The following ANOS1 variants were observed in gnomAD, a reference collection of about 807,000 sequenced individuals.
ANOS1 encodes the protein anosmin 1, also known as anosmin-1.
In ANOS1, 6 loss-of-function variants were observed where a neutral mutation model predicts 59.0. That is an observed-to-expected ratio of 0.10 (90% confidence interval 0.06 to 0.20). The LOEUF (loss-of-function observed/expected upper bound fraction) is 0.20, where lower values mean the gene tolerates loss of function less well. Ranked by LOEUF, ANOS1 falls within the 10% of genes least tolerant of loss-of-function variation. The pLI, the probability that ANOS1 is intolerant of heterozygous loss-of-function variation, is 1.00. For missense variants in ANOS1, 433 were observed against 542.3 expected (o/e 0.80, Z 2.00); for synonymous variants, 217 against 223.4 (o/e 0.97, Z 0.25).
chrX:8,665,125 A>G (rs774387815), intron 2 of ANOS1, among the ~76,000 whole-genome samples: 3 of 111,729 alleles, frequency 2.7e-5, no homozygotes, highest in Non-Finnish European at 3.8e-5. Flanking sequence ...AATGACAGGC[A>G]CTCATCCAAC....
chrX:8,632,234 T>C (rs1382686126), intron 2 of ANOS1, among the ~76,000 whole-genome samples: 1 of 112,057 alleles, frequency 8.9e-6, no homozygotes, highest in Non-Finnish European at 1.9e-5. Flanking sequence ...TAAATGATTT[T>C]TTCCCATTCA....
intron 5 of ANOS1, 26 bp downstream of exon 5, chrX:8,587,768 A>T: frequency 8.6e-7 from 1 of 1,167,907 alleles, no homozygotes; most frequent in Non-Finnish European, 1.2e-6. Context: ...CCAGGATGAA[A>T]ATCAAAGTCT....
At chrX:8,612,247 A>G (rs1931071560) in intron 3 of ANOS1, among the ~76,000 whole-genome samples, 1 of 112,093 alleles carries the variant, frequency 8.9e-6, no homozygotes, top group Non-Finnish European at 1.9e-5. Context: ...CCATACACTC[A>G]TATGAAATTC....
At chrX:8,547,002 C>T (rs1929780635) in intron 9 of ANOS1, among the ~76,000 whole-genome samples, 2 of 111,780 alleles carry the variant, frequency 1.8e-5, no homozygotes, top group African/African-American at 6.5e-5. Context: ...TATGTGGTCA[C>T]TTGTGTAATA....
intron 3 of ANOS1, among the ~76,000 whole-genome samples, chrX:8,615,542 C>CAA (rs34060774): frequency 1.0e-4 from 6 of 58,065 alleles, no homozygotes; most frequent in Admixed American, 2.2e-4. Flanking sequence ...GACCCTGTCT[C>CAA]AAAAAAAAAA....
chrX:8,596,957 A>G (rs1438665373), intron 4 of ANOS1, 77 bp downstream of exon 4: 12 of 1,196,391 alleles, frequency 1.0e-5, no homozygotes, highest in Non-Finnish European at 1.2e-5. Context: ...CACACCTATG[A>G]TGGACACCCT....
At chrX:8,597,300 A>T (rs1351536764) in intron 3 of ANOS1, 44 bp from the exon 4 acceptor site, 2 of 1,059,615 alleles carry the variant, frequency 1.9e-6, no homozygotes, top group East Asian at 3.1e-5. Context: ...TTAAAGACAC[A>T]TGAAGTCTGA....
intron 3 of ANOS1, among the ~76,000 whole-genome samples, chrX:8,600,393 A>AC (rs1190398558): frequency 8.9e-6 from 1 of 112,348 alleles, no homozygotes; most frequent in Non-Finnish European, 1.9e-5. Flanking sequence ...AGCTAGAAAA[A>AC]CTATAATTTC....
intron 2 of ANOS1, among the ~76,000 whole-genome samples, chrX:8,640,659 T>C (rs1428313133): frequency 1.8e-5 from 2 of 108,836 alleles, no homozygotes; most frequent in Non-Finnish European, 3.8e-5. Flanking sequence ...AATATAATCA[T>C]AGAATTTTAA....
chrX:8,730,702 T>C lies in ANOS1; in HGVS notation c.207+1128A>G, dbSNP rs192700098. Among the ~76,000 whole-genome samples, 812 of 110,597 alleles carry C rather than the reference T, an allele frequency of 7.3e-3. 6 individuals are homozygous for C. Among genetic ancestry groups the C allele is most frequent in the African/African-American group, 0.025 (777 of 30,517 alleles). On this transcript the variant is annotated intron_variant, in intron 1 of 13. Transcript: ENST00000262648. ...CCTCCCCCCAGCCCCCATTTCTCCTTTTGGTCCCTCCAGAGTTTCCCTGAA... is the reference window on the plus strand; with the variant it reads ...CCTCCCCCCAGCCCCCATTTCTCCTCTTGGTCCCTCCAGAGTTTCCCTGAA...
Position 8,685,658 on chromosome X carries a change from A to G in ANOS1, c.255+14040T>C, listed in dbSNP as rs191933812. ...AAAGAAAGAAAGAAAGAAAGAAAGAAAAAGAAAGGAAGGAAGGAGGGAGGA... is the reference window on the plus strand; with the variant it reads ...AAAGAAAGAAAGAAAGAAAGAAAGAGAAAGAAAGGAAGGAAGGAGGGAGGA... On this transcript the variant is annotated intron_variant, in intron 2 of 13. Transcript: ENST00000262648. Among the ~76,000 whole-genome samples, 583 of 96,991 alleles carry G rather than the reference A, an allele frequency of 6.0e-3. 3 individuals carry two copies. Among genetic ancestry groups the G allele is most frequent in the Non-Finnish European group, 8.6e-3 (404 of 47,094 alleles). The allele number at this position is 96,991 out of a possible 115,157, so 84.2% of individuals were successfully genotyped here.
intron 2 of ANOS1, among the ~76,000 whole-genome samples, chrX:8,645,558 T>A: frequency 8.9e-6 from 1 of 112,114 alleles, no homozygotes; most frequent in South Asian, 3.7e-4. Flanking sequence ...CTTCTGAATG[T>A]GTTCTCTTTA....
chrX:8,563,464 T>C (rs1930063829), intron 8 of ANOS1, among the ~76,000 whole-genome samples: 1 of 112,525 alleles, frequency 8.9e-6, no homozygotes, highest in Non-Finnish European at 1.9e-5. Context: ...AAACTCTCAC[T>C]GGTAAAGATA....
At chrX:8,564,314 G>C (rs1350588989) in intron 8 of ANOS1, among the ~76,000 whole-genome samples, 1 of 111,571 alleles carries the variant, frequency 9.0e-6, no homozygotes, top group Non-Finnish European at 1.9e-5. Context: ...GTGGAAAAGT[G>C]AGATTGAAAA....
In ANOS1 at chrX:8,544,379, G is replaced by A. The variant is rs368606408; in HGVS notation, c.1355-4621C>T. The stretch of plus-strand genomic sequence containing the variant: ...TGCCTCTTTGCAGTGTTTTAGCATC[G>A]GAAATGGTGCATTGCATACAGTAGG... On this transcript the variant is annotated intron_variant, in intron 9 of 13. Coordinates refer to ENST00000262648, the MANE Select transcript of ANOS1 (RefSeq NM_000216.4). Among the ~76,000 whole-genome samples the A allele has an allele frequency of 4.1e-4, 37 of 89,674 alleles. No individual in the cohort carries two copies. The South Asian group carries it at 0.016, about 40-fold the overall frequency. 77.9% of individuals were successfully genotyped at this position (89,674 alleles called of 115,157 possible).
rs1187781153 is a variant in ANOS1, at chrX:8,732,043, GGGTCGA to G, written c.-13_-8del. On this transcript the variant is annotated 5_prime_UTR_variant, in exon 1 of 14. Coordinates refer to ENST00000262648, the MANE Select transcript of ANOS1 (RefSeq NM_000216.4). ...CGGGCACCCCGGGCACCATGGCTGC[GGGTCGA>G]GGGCGAGGGCGAGGGCGCCGGGCGC... The G allele has an allele frequency of 1.0e-5, 10 of 952,886 alleles. No individual in the cohort carries two copies. The highest frequency in any genetic ancestry group is 1.3e-5 in the Non-Finnish European group (10 of 764,405). 78.5% of individuals were successfully genotyped at this position (952,886 alleles called of 1,213,427 possible).
chrX:8,685,807 C>T (rs1386642268), intron 2 of ANOS1, among the ~76,000 whole-genome samples: 2 of 111,427 alleles, frequency 1.8e-5, no homozygotes, highest in African/African-American at 6.5e-5. Context: ...ATGAACTTAC[C>T]CACATTGGTA....
chrX:8,693,434 T>C (rs1019052722), intron 2 of ANOS1, among the ~76,000 whole-genome samples: 67 of 111,782 alleles, frequency 6.0e-4, no homozygotes, highest in African/African-American at 2.0e-3. Context: ...TAGTTTTCTC[T>C]TTCTTCATCA....
Position 8,593,792 on chromosome X carries a change from G to A in ANOS1, c.541+3242C>T, listed in dbSNP as rs751848041. 2.3e-3 allele frequency among the ~76,000 whole-genome samples: 260 copies of A among 111,061 alleles called. 1 individual carries two copies. Among genetic ancestry groups the A allele is most frequent in the Middle Eastern group, 9.1e-3 (2 of 219 alleles). On this transcript the variant is annotated intron_variant, in intron 4 of 13. Coordinates refer to ENST00000262648, the MANE Select transcript of ANOS1 (RefSeq NM_000216.4). The stretch of plus-strand genomic sequence containing the variant: ...GTGCTCAAATGATCCTCCCACCTCA[G>A]CCTCCCAAGTAGCTATGACTACAGG...
Sources: allele counts gnomAD v4.1 joint callset (sites outside exome capture counted in the v4.1 genomes callset), GRCh38; gene constraint gnomAD v4.1.1; transcripts MANE v1.5; gene names NCBI Gene and HGNC (gene_info 2026-07-23, HGNC 2026-07-21).